Variants in GPC5 observed in about 807,000 individuals in gnomAD.
The protein encoded by GPC5 is glypican 5.
A neutral mutation model predicts 53.9 loss-of-function variants in GPC5; 47 were observed. The ratio of observed to expected loss-of-function variants is 0.87; its 90% CI spans 0.69 to 1.11. The LOEUF (loss-of-function observed/expected upper bound fraction) is 1.11. Among genes scored for constraint, GPC5 ranks in the 50% most tolerant of loss-of-function variants. The probability of loss-of-function intolerance (pLI) is 0.00; values close to 1 mark genes in which losing one functional copy is unlikely to be tolerated. For missense variants in GPC5, 748 were observed against 713.1 expected, an observed-to-expected ratio of 1.05 and a Z score of -0.56; for synonymous variants, 286 against 263.3, an observed-to-expected ratio of 1.09 and a Z score of -0.84.
intron 6 of GPC5, among the ~76,000 whole-genome samples, chr13:92,062,850 T>C (rs1336637054): frequency 1.3e-5 from 2 of 152,046 alleles, no homozygotes; most frequent in African/African-American, 4.8e-5. Flanking sequence ...AGTGTAACAT[T>C]CAGCAAACAT....
intron 7 of GPC5, among the ~76,000 whole-genome samples, chr13:92,385,766 C>A (rs1421457983): frequency 2.4e-5 from 2 of 83,128 alleles, no homozygotes; most frequent in Non-Finnish European, 4.8e-5. Flanking sequence ...TATATATATA[C>A]GTATATATAC....
chr13:92,407,168 A>T (rs374100473), intron 7 of GPC5, among the ~76,000 whole-genome samples: 1 of 152,214 alleles, frequency 6.6e-6, no homozygotes, highest in East Asian at 1.9e-4. Context: ...AATTGAATTC[A>T]TCAACATTTC....
At chr13:91,634,245 T>A (rs1184714872) in intron 2 of GPC5, among the ~76,000 whole-genome samples, 5 of 152,108 alleles carry the variant, frequency 3.3e-5, no homozygotes, top group Non-Finnish European at 7.4e-5. Context: ...TCAGTAAATA[T>A]AAAATATGTT....
intron 7 of GPC5, among the ~76,000 whole-genome samples, chr13:92,414,147 C>T (rs1876175431): frequency 6.6e-6 from 1 of 151,946 alleles, no homozygotes; most frequent in South Asian, 2.1e-4. Flanking sequence ...TGGTCACTTT[C>T]CTCATTAAGC....
chr13:92,367,493 T>C (rs555286641), intron 7 of GPC5, among the ~76,000 whole-genome samples: 3 of 152,312 alleles, frequency 2.0e-5, no homozygotes, highest in East Asian at 3.9e-4. Flanking sequence ...TCCAAACTTT[T>C]GCCATTTTTT....
chr13:92,280,835 G>A (rs1415395509), intron 7 of GPC5, among the ~76,000 whole-genome samples: 1 of 152,120 alleles, frequency 6.6e-6, no homozygotes, highest in African/African-American at 2.4e-5. Context: ...ACAGAAGACG[G>A]GTAATTTCTG....
At chr13:91,536,171 C>A (rs1363567151) in intron 2 of GPC5, among the ~76,000 whole-genome samples, 3 of 152,092 alleles carry the variant, frequency 2.0e-5, no homozygotes, top group Non-Finnish European at 4.4e-5. Flanking sequence ...GGAGGAAGAA[C>A]ATTTGAAAAT....
chr13:91,904,419 A>C (rs1279877066), intron 5 of GPC5, among the ~76,000 whole-genome samples: 2 of 152,010 alleles, frequency 1.3e-5, no homozygotes, highest in East Asian at 1.9e-4. Flanking sequence ...TAATTAGAGA[A>C]AAAAATAACA....
At chr13:92,157,586 C>G (rs1041447623) in intron 7 of GPC5, among the ~76,000 whole-genome samples, 9 of 152,058 alleles carry the variant, frequency 5.9e-5, no homozygotes, top group Admixed American at 5.9e-4. Context: ...AAAGAATTTA[C>G]AATTACAAAT....
In GPC5 at chr13:92,533,895, A is replaced by G. The variant is rs555481618; in HGVS notation, c.1562-332387A>G. On this transcript the variant is annotated intron_variant, in intron 7 of 7. Coordinates refer to ENST00000377067, the MANE Select transcript of GPC5 (RefSeq NM_004466.6). ...TGTTTACATTATTAATAAAACTTTC[A>G]CACAAGTTAGATTTGCAATTCATAA... 7.2e-5 allele frequency among the ~76,000 whole-genome samples: 11 copies of G among 152,268 alleles called. No individual in the cohort carries two copies. The South Asian group carries it at 2.1e-3, about 29-fold the overall frequency.
At chr13:91,481,308 G>T (rs1162879382) in intron 2 of GPC5, among the ~76,000 whole-genome samples, 1 of 152,042 alleles carries the variant, frequency 6.6e-6, no homozygotes, top group African/African-American at 2.4e-5. Context: ...GAACCATTGT[G>T]CAGGCATCTT....
At chr13:92,244,767 C>A (rs2042638317) in intron 7 of GPC5, among the ~76,000 whole-genome samples, 1 of 152,010 alleles carries the variant, frequency 6.6e-6, no homozygotes, top group East Asian at 1.9e-4. Flanking sequence ...TGGCTGGGCG[C>A]AATGGCTCAT....
intron 7 of GPC5, among the ~76,000 whole-genome samples, chr13:92,667,460 C>T (rs10507992): frequency 0.22 from 33,315 of 152,044 alleles, 4,335 homozygotes; most frequent in South Asian, 0.36. Context: ...AAGAGAACAA[C>T]CAAACAGTAT....
At position 92,069,068 on chromosome 13, in the gene GPC5, G is replaced by A. The variant is rs143138946; in HGVS notation, c.1402-75762G>A. ...TAACATAAGGTCAGAATCCAACTTC[G>A]TTTATTTGTATGCATATGTACAGTT... On this transcript the variant is annotated intron_variant, in intron 6 of 7. Transcript: ENST00000377067. Among the ~76,000 whole-genome samples, 30 of 151,946 alleles carry A rather than the reference G, an allele frequency of 2.0e-4. No homozygotes were observed. In the East Asian group the frequency reaches 5.6e-3, roughly 28 times the overall value.
At chr13:91,485,946 T>C (rs1278095855) in intron 2 of GPC5, 1 of 152,208 alleles carries the variant, frequency 6.6e-6, no homozygotes, top group African/African-American at 2.4e-5. Context: ...TGGGTAGTGA[T>C]CTTAGGGGTC....
At chr13:91,498,088 AT>A (rs34102629) in intron 2 of GPC5, among the ~76,000 whole-genome samples, 11 of 149,180 alleles carry the variant, frequency 7.4e-5, no homozygotes, top group Non-Finnish European at 1.0e-4. Context: ...TTAATCTTAG[AT>A]TTTTTTTTTC....
At chr13:92,224,751 C>T (rs2042472678) in intron 7 of GPC5, among the ~76,000 whole-genome samples, 1 of 152,212 alleles carries the variant, frequency 6.6e-6, no homozygotes, top group Non-Finnish European at 1.5e-5. Context: ...ATATTTCACA[C>T]ATGTTGTCCA....
At chr13:92,634,506 C>T (rs543003457) in intron 7 of GPC5, among the ~76,000 whole-genome samples, 21 of 151,970 alleles carry the variant, frequency 1.4e-4, no homozygotes, top group Non-Finnish European at 2.2e-4. Flanking sequence ...ATTGAGTATT[C>T]GATTCTTTCT....
At chr13:91,547,351 G>A (rs1373304818) in intron 2 of GPC5, among the ~76,000 whole-genome samples, 1 of 151,920 alleles carries the variant, frequency 6.6e-6, no homozygotes, top group African/African-American at 2.4e-5. Flanking sequence ...GACATTTAAA[G>A]GATAATAAAG....
Sources: allele counts gnomAD v4.1 joint callset (sites outside exome capture counted in the v4.1 genomes callset), GRCh38; gene constraint gnomAD v4.1.1; transcripts MANE v1.5; gene names NCBI Gene and HGNC (gene_info 2026-07-23, HGNC 2026-07-21).